CNTN1: variants seen among roughly 807,000 people sequenced by gnomAD.
CNTN1 encodes contactin 1.
A neutral mutation model predicts 126.4 loss-of-function variants in CNTN1; 38 were observed. That is an observed-to-expected ratio of 0.30 (90% CI 0.23 to 0.39). CNTN1 has a LOEUF of 0.39. CNTN1 is among the 10% of genes least tolerant of loss of function. The pLI is 1.00. For missense variants in CNTN1, 1,009 were observed against 1,248.4 expected, an observed-to-expected ratio of 0.81 and a Z score of 2.89; for synonymous variants, 413 against 422.6, an observed-to-expected ratio of 0.98 and a Z score of 0.28.
rs1393727371 is a variant in CNTN1 at position 40,971,658 on chromosome 12, A to C, written c.1805-9251A>C. 3 of 1,458,902 alleles carry C rather than the reference A, an allele frequency of 2.1e-6. No homozygotes were observed. The African/African-American group carries it at 4.4e-5, about 21-fold the overall frequency. The allele number at this position is 1,458,902 out of a possible 1,614,324, so 90.4% of individuals were successfully genotyped here. A position where few individuals can be genotyped will look rare whatever the true frequency, so the allele number is the denominator to read the frequency against. ...TATGTTTCCCCTTTTGAAACATGTA[A>C]ACATACTTTGGGCATAAATATTTTT... On this transcript the variant is annotated intron_variant, in intron 15 of 23. Transcript: ENST00000551295.
intron 1 of CNTN1, among the ~76,000 whole-genome samples, chr12:40,873,311 A>G (rs776183020): frequency 3.3e-5 from 5 of 152,194 alleles, no homozygotes; most frequent in Non-Finnish European, 7.3e-5. Context: ...TTCCTGTCAT[A>G]TTATACATTA....
At chr12:40,902,955 G>C (rs770830300) in intron 1 of CNTN1, among the ~76,000 whole-genome samples, 1 of 152,210 alleles carries the variant, frequency 6.6e-6, no homozygotes, top group Non-Finnish European at 1.5e-5. Flanking sequence ...AGAATGACAA[G>C]TAGAGGAAGA....
intron 1 of CNTN1, among the ~76,000 whole-genome samples, chr12:40,816,784 C>T (rs542354976): frequency 6.6e-6 from 1 of 152,098 alleles, no homozygotes; most frequent in Non-Finnish European, 1.5e-5. Context: ...GCATTTAGTG[C>T]TATAAATTTC....
At chr12:40,952,408 A>G (rs1253501082) in intron 14 of CNTN1, among the ~76,000 whole-genome samples, 1 of 152,144 alleles carries the variant, frequency 6.6e-6, no homozygotes, top group Admixed American at 6.6e-5. Flanking sequence ...AGTAGCTAGC[A>G]CATTGCTAGA....
chr12:40,795,080 T>C (rs1940362973), intron 1 of CNTN1, among the ~76,000 whole-genome samples: 1 of 152,044 alleles, frequency 6.6e-6, no homozygotes, highest in African/African-American at 2.4e-5. Flanking sequence ...TCTCATCCAA[T>C]CATGTGAAGG....
intron 1 of CNTN1, among the ~76,000 whole-genome samples, chr12:40,721,806 G>T (rs991450335): frequency 3.4e-5 from 5 of 148,820 alleles, no homozygotes; most frequent in Non-Finnish European, 1.5e-5. Context: ...GCAGTGTTTG[G>T]TTTTTTGTCC....
intron 15 of CNTN1, among the ~76,000 whole-genome samples, chr12:40,960,158 C>A (rs1947054930): frequency 6.6e-6 from 1 of 151,904 alleles, no homozygotes; most frequent in Admixed American, 6.6e-5. Flanking sequence ...ATATTGCTTT[C>A]TCTCATATGT....
chr12:41,005,599 T>C (rs1212551710), intron 17 of CNTN1, among the ~76,000 whole-genome samples: 2 of 152,158 alleles, frequency 1.3e-5, no homozygotes, highest in Non-Finnish European at 1.5e-5. Context: ...CACATATTTT[T>C]TGAATTTTTT....
intron 1 of CNTN1, among the ~76,000 whole-genome samples, chr12:40,786,592 A>G (rs777214990): frequency 2.6e-5 from 4 of 152,166 alleles, no homozygotes; most frequent in Non-Finnish European, 5.9e-5. Context: ...GGCATTAGAG[A>G]CTGTCCAATC....
At chr12:40,923,442 C>G (rs1217894340) in intron 5 of CNTN1, among the ~76,000 whole-genome samples, 1 of 151,672 alleles carries the variant, frequency 6.6e-6, no homozygotes, top group Non-Finnish European at 1.5e-5. Context: ...TGAGAAAGGT[C>G]CAGGAAGAGA....
chr12:40,966,249 A>G (rs1947305286), intron 15 of CNTN1, among the ~76,000 whole-genome samples: 1 of 152,118 alleles, frequency 6.6e-6, no homozygotes, highest in African/African-American at 2.4e-5. Context: ...GAGACAGACT[A>G]GAGATTCCAT....
chr12:40,912,634 TA>T (rs545477676), intron 3 of CNTN1, among the ~76,000 whole-genome samples: 60 of 147,532 alleles, frequency 4.1e-4, no homozygotes, highest in East Asian at 3.7e-3. Flanking sequence ...AGCTAATATT[TA>T]AAAAAAAAAA....
At chr12:41,008,883 T>TA (rs1374867608) in intron 17 of CNTN1, among the ~76,000 whole-genome samples, 2 of 152,192 alleles carry the variant, frequency 1.3e-5, no homozygotes, top group Non-Finnish European at 2.9e-5. Context: ...CATGGAGAAC[T>TA]AAAAAAGCAT....
chr12:40,933,653 T>C, intron 8 of CNTN1, 44 bp from the exon 9 acceptor site: 1 of 1,583,574 alleles, frequency 6.3e-7, no homozygotes, highest in Non-Finnish European at 8.7e-7. Flanking sequence ...AGTAATTGTC[T>C]TTTAAGTGTG....
rs150202831 is a variant in CNTN1 at position 40,808,098 on chromosome 12, T to C, written c.-76-100259T>C. Among the ~76,000 whole-genome samples, 183 of 152,300 alleles carry C rather than the reference T, an allele frequency of 1.2e-3. 1 individual carries two copies. Among genetic ancestry groups the C allele is most frequent in the African/African-American group, 4.3e-3 (177 of 41,578 alleles). ...GAATAAGCATTCCCTGGGTGTTCTT[T>C]TAGATTCAGTCATTGTTCAGTTGAC... On this transcript the variant is annotated intron_variant, in intron 1 of 23. Coordinates refer to ENST00000551295, the MANE Select transcript of CNTN1 (RefSeq NM_001843.4).
Position 40,856,998 on chromosome 12 carries a change from C to T in CNTN1, c.-76-51359C>T, listed in dbSNP as rs552618175. ...ACTATACAATATATAACACACTGGA[C>T]ATTATATTATTTGAAACTATTGACA... On this transcript the variant is annotated intron_variant, in intron 1 of 23. Coordinates refer to ENST00000551295, the MANE Select transcript of CNTN1 (RefSeq NM_001843.4). 3.3e-5 allele frequency among the ~76,000 whole-genome samples: 5 copies of T among 152,158 alleles called. No individual in the cohort carries two copies. The South Asian group carries it at 1.0e-3, about 32-fold the overall frequency.
At chr12:40,785,155 TATTA>T (rs1333181691) in intron 1 of CNTN1, among the ~76,000 whole-genome samples, 16 of 152,178 alleles carry the variant, frequency 1.1e-4, no homozygotes, top group Admixed American at 3.3e-4. Flanking sequence ...TTTAGTATTA[TATTA>T]ATTTTCTTTT....
At chr12:40,891,800 T>C (rs1211994357) in intron 1 of CNTN1, among the ~76,000 whole-genome samples, 1 of 152,130 alleles carries the variant, frequency 6.6e-6, no homozygotes, top group East Asian at 1.9e-4. Flanking sequence ...TTATAGTCTT[T>C]ATGGCTTTAA....
intron 1 of CNTN1, among the ~76,000 whole-genome samples, chr12:40,707,558 T>C (rs1488404190): frequency 1.3e-5 from 2 of 152,176 alleles, no homozygotes; most frequent in African/African-American, 2.4e-5. Flanking sequence ...ATTATCTTTC[T>C]TCTTTTCTAA....
Sources: allele counts gnomAD v4.1 joint callset (sites outside exome capture counted in the v4.1 genomes callset), GRCh38; gene constraint gnomAD v4.1.1; transcripts MANE v1.5; gene names NCBI Gene and HGNC (gene_info 2026-07-23, HGNC 2026-07-21).